Variants in C19orf44 observed in about 807,000 individuals in gnomAD.
The protein encoded by C19orf44 is uncharacterized protein C19orf44.
A neutral mutation model predicts 50.7 loss-of-function variants in C19orf44; 43 were observed. That is an observed-to-expected ratio of 0.85 (90% CI 0.66 to 1.09). The LOEUF (loss-of-function observed/expected upper bound fraction) is 1.09, where lower values mean the gene tolerates loss of function less well. Ranked by LOEUF, C19orf44 falls within the 50% of genes least tolerant of loss-of-function variation. The probability of loss-of-function intolerance (pLI) is 0.00; values close to 1 mark genes in which losing one functional copy is unlikely to be tolerated. For missense variants in C19orf44, 722 were observed against 836.2 expected, an observed-to-expected ratio of 0.86 and a Z score of 1.68; for synonymous variants, 298 against 334.7, an observed-to-expected ratio of 0.89 and a Z score of 1.20.
At chr19:16,518,015 A>G (rs1325317837) in intron 8 of C19orf44, 1 of 152,272 alleles carries the variant, frequency 6.6e-6, no homozygotes, top group Non-Finnish European at 1.5e-5. Context: ...CAGGAAATCT[A>G]GAACAAAATC....
chr19:16,509,478 C>T, intron 4 of C19orf44, 21 bp from the exon 5 acceptor site: 1 of 1,528,416 alleles, frequency 6.5e-7, no homozygotes, highest in East Asian at 2.3e-5. Flanking sequence ...TCCCAGCCAC[C>T]TCTGCCATTC....
Position 16,514,677 on chromosome 19 carries a change from C to T in C19orf44, c.1902+14C>T. 2 of 1,552,512 alleles carry T rather than the reference C, an allele frequency of 1.3e-6. No homozygotes were observed. The highest frequency in any genetic ancestry group is 1.7e-6 in the Non-Finnish European group (2 of 1,147,916). On this transcript the variant is annotated intron_variant, in intron 7 of 8. Transcript: ENST00000221671. ...GAAGCCAAAGAGGTGAGCGCAGCTC[C>T]CCATGGGCAGGGGCAGGGCAGTAGG...
In C19orf44 at chr19:16,509,971, C is replaced by T; in HGVS notation, c.1622C>T (p.Thr541Ile). 6.2e-7 allele frequency: 1 copy of T among 1,614,256 alleles called. No individual in the cohort carries two copies. Among genetic ancestry groups the T allele is most frequent in the Non-Finnish European group, 8.5e-7 (1 of 1,180,046 alleles). The change falls in exon 5 of 9, where the codon ACC (threonine) becomes ATC (isoleucine). Residue 541 changes from threonine (T) to isoleucine (I), a missense_variant. Thr to Ile is a moderately conservative substitution (Grantham distance 89). Transcript: ENST00000221671. ...TAVQTPDPAFTYEWTKVASMA... is the reference protein window; with the variant it reads ...TAVQTPDPAFIYEWTKVASMA... ...GTGCAGACGCCAGATCCTGCCTTCA[C>T]CTACGAGTGGACCAAGGGTAAGCCT...
At chr19:16,502,495 C>CAAAGTGCCGG (rs907502438) in intron 2 of C19orf44, among the ~76,000 whole-genome samples, 1 of 152,088 alleles carries the variant, frequency 6.6e-6, no homozygotes, top group Non-Finnish European at 1.5e-5. Flanking sequence ...CTCGGCCTCC[C>CAAAGTGCCGG]AAAGTGCCGG....
rs1188583689 is a variant in C19orf44 at position 16,519,554 on chromosome 19, G to A, written c.*41-540G>A. On this transcript the variant is annotated intron_variant, in intron 8 of 8. Transcript: ENST00000221671. This position sits in a 1 kb window ranked among gnomAD's most constrained non-coding sequence, Gnocchi z 6.0. ...CCACATGCACTGAGGAAGAGAAAGC[G>A]CTGGTGACTCCCGGGCCCAGCACGC... The A allele has an allele frequency of 1.5e-5, 21 of 1,423,186 alleles. No homozygotes were observed. Among genetic ancestry groups the A allele is most frequent in the East Asian group, 9.1e-5 (4 of 43,730 alleles). 88.2% of individuals were successfully genotyped at this position (1,423,186 alleles called of 1,614,324 possible).
At chr19:16,498,300 TAG>T (rs1390252966) in intron 1 of C19orf44, among the ~76,000 whole-genome samples, 4 of 152,136 alleles carry the variant, frequency 2.6e-5, no homozygotes, top group African/African-American at 9.7e-5. Flanking sequence ...TTATTTTTTT[TAG>T]AGATAGGGTC....
At chr19:16,502,991 AAAAAAAAC>A (rs2093430041) in intron 2 of C19orf44, 66 bp from the exon 3 acceptor site, 6 of 1,449,856 alleles carry the variant, frequency 4.1e-6, no homozygotes, top group South Asian at 1.3e-5. Flanking sequence ...TTTCTCAAAA[AAAAAAAAC>A]AAAAAACAAA....
At chr19:16,517,631 T>C (rs1475736373) in intron 8 of C19orf44, among the ~76,000 whole-genome samples, 1 of 151,978 alleles carries the variant, frequency 6.6e-6, no homozygotes, top group Non-Finnish European at 1.5e-5. Flanking sequence ...CTGTCCCCAC[T>C]CACAGCAGGA....
chr19:16,520,093 G>T lies in C19orf44; in HGVS notation c.*41-1G>T. 6.5e-7 allele frequency: 1 copy of T among 1,549,768 alleles called. No homozygotes were observed. Among genetic ancestry groups the T allele is most frequent in the Non-Finnish European group, 8.9e-7 (1 of 1,127,890 alleles). On this transcript the variant is annotated splice_acceptor_variant, in intron 8 of 8. Transcript: ENST00000221671. LOFTEE classifies it low-confidence loss of function (3UTR_SPLICE). The surrounding 1 kb of genome is among the most constrained non-coding windows in gnomAD (Gnocchi z 4.0). ...AACCACCAATGTTTCCACATTCACA[G>T]CAAAGCACCGCAGCTTCCCAGAGTT...
In C19orf44 at chr19:16,496,450, G is replaced by T; in HGVS notation, c.-17G>T. On this transcript the variant is annotated 5_prime_UTR_variant, in exon 1 of 9. Transcript: ENST00000221671. The stretch of plus-strand genomic sequence containing the variant: ...AATGTGGCGGCTGCCTCTGCGAATG[G>T]ACGGCGTGGGAAGAGGTCGGCAGGG... The T allele has an allele frequency of 5.5e-6, 2 of 364,452 alleles. No individual in the cohort carries two copies. Among genetic ancestry groups the T allele is most frequent in the Non-Finnish European group, 5.2e-6 (1 of 191,588 alleles). The allele number at this position is 364,452 out of a possible 1,614,324, so 22.6% of individuals were successfully genotyped here.
At chr19:16,506,897 A>G in intron 4 of C19orf44, 123 bp downstream of exon 4, 1 of 659,440 alleles carries the variant, frequency 1.5e-6, no homozygotes, top group Non-Finnish European at 2.6e-6. Flanking sequence ...GCCGTCCTCA[A>G]ACTGGGCTCA....
chr19:16,517,060 C>T (rs1229148647), intron 7 of C19orf44, among the ~76,000 whole-genome samples, 170 bp from the exon 8 acceptor site: 1 of 152,210 alleles, frequency 6.6e-6, no homozygotes, highest in East Asian at 1.9e-4. Flanking sequence ...ACCCTGTGTT[C>T]CCACAGCCCC....
chr19:16,501,363 G>T lies in C19orf44; in HGVS notation c.571G>T (p.Gly191Trp). 3 of 1,614,070 alleles carry T rather than the reference G, an allele frequency of 1.9e-6. No individual in the cohort carries two copies. The South Asian group carries it at 3.3e-5, about 18-fold the overall frequency. The change falls in exon 2 of 9, where the codon GGG (glycine) becomes TGG (tryptophan). Residue 191 changes from glycine to tryptophan, a missense_variant. Transcript: ENST00000221671. ...VENISPEAPA[G>W]KERTLQTPKQ... ...AAACATATCCCCTGAAGCACCTGCT[G>T]GGAAAGAGAGGACTTTGCAAACCCC... is the stretch of plus-strand genomic sequence containing the variant.
intron 3 of C19orf44, among the ~76,000 whole-genome samples, chr19:16,505,660 TATC>T (rs1185614601): frequency 6.6e-6 from 1 of 152,178 alleles, no homozygotes; most frequent in East Asian, 1.9e-4. Flanking sequence ...TTTTATTTTT[TATC>T]ATTATTATTA....
Position 16,519,333 on chromosome 19 carries a change from G to C in C19orf44, c.*41-761G>C, listed in dbSNP as rs1372444486. The C allele has an allele frequency of 1.9e-6, 3 of 1,612,092 alleles. No homozygotes were observed. Among genetic ancestry groups the C allele is most frequent in the Non-Finnish European group, 1.7e-6 (2 of 1,179,738 alleles). On this transcript the variant is annotated intron_variant, in intron 8 of 8. Transcript: ENST00000221671. This position sits in a 1 kb window ranked among gnomAD's most constrained non-coding sequence, Gnocchi z 6.0. Reference sequence around the variant, plus strand: ...GGATCCCTTGCTCCTTCGCACCGAGGCCGCCTGAGCCGCTCCAGCCTGGAA... The same window carrying C: ...GGATCCCTTGCTCCTTCGCACCGAGCCCGCCTGAGCCGCTCCAGCCTGGAA...
rs755141280 is a variant in C19orf44 at position 16,520,967 on chromosome 19, C to T, written c.*914C>T. 1.2e-5 allele frequency: 18 copies of T among 1,467,346 alleles called. No individual in the cohort carries two copies. Among genetic ancestry groups the T allele is most frequent in the East Asian group, 2.3e-5 (1 of 44,228 alleles). 90.9% of individuals were successfully genotyped at this position (1,467,346 alleles called of 1,614,324 possible). ...ACGTGACACCCACCCACAAGGAAGTCGTGAAAAAGTCATCAGGAGTTAATC... is the reference window on the plus strand; with the variant it reads ...ACGTGACACCCACCCACAAGGAAGTTGTGAAAAAGTCATCAGGAGTTAATC... On this transcript the variant is annotated 3_prime_UTR_variant, in exon 9 of 9. Transcript: ENST00000221671. The surrounding 1 kb of genome is among the most constrained non-coding windows in gnomAD (Gnocchi z 4.0).
chr19:16,500,591 C>CTT, intron 1 of C19orf44, among the ~76,000 whole-genome samples: 2 of 152,054 alleles, frequency 1.3e-5, no homozygotes, highest in African/African-American at 4.8e-5. Context: ...GATCCACCTG[C>CTT]CTCGGCCTCC....
chr19:16,509,550 G>A lies in C19orf44; in HGVS notation c.1201G>A (p.Ala401Thr). The A allele has an allele frequency of 6.3e-7, 1 of 1,584,730 alleles. No individual in the cohort carries two copies. Among genetic ancestry groups the A allele is most frequent in the East Asian group, 2.2e-5 (1 of 44,490 alleles). Residue 401 changes from alanine (A) to threonine (T), a missense_variant, in exon 5 of 9, where the codon GCG becomes ACG. Ala to Thr is a moderately conservative substitution (Grantham distance 58, BLOSUM62 0). Coordinates refer to ENST00000221671, the MANE Select transcript of C19orf44 (RefSeq NM_032207.4). ...KTAGKIFRAE[A>T]STGQDAPRQA... is the part of the protein sequence containing the mutation. ...AGCTGGCAAAATCTTCAGAGCCGAG[G>A]CGTCCACTGGGCAGGATGCCCCGAG...
rs530682723 is a variant in C19orf44, at chr19:16,519,592, C to G, written c.*41-502C>G. The G allele has an allele frequency of 9.5e-6, 15 of 1,578,880 alleles. No homozygotes were observed. The South Asian group carries it at 1.7e-4, about 17-fold the overall frequency. On this transcript the variant is annotated intron_variant, in intron 8 of 8. Transcript: ENST00000221671. The surrounding 1 kb of genome is among the most constrained non-coding windows in gnomAD (Gnocchi z 6.0). Reference sequence around the variant, plus strand: ...GGGCCCAGCACGCGTGAGGACCCATCCCGCGCCCTCCCCATTCCCTCGCCT... The same window carrying G: ...GGGCCCAGCACGCGTGAGGACCCATGCCGCGCCCTCCCCATTCCCTCGCCT...
Sources: gnomAD v4.1 joint callset for allele counts (sites outside exome capture counted in the v4.1 genomes callset) on GRCh38, gnomAD v4.1.1 for gene constraint, Gnocchi (gnomAD v3.1) non-coding constraint, MANE v1.5 for transcripts, NCBI Gene and HGNC (gene_info 2026-07-23, HGNC 2026-07-21) for gene names.